Variants in NACAD observed in about 807,000 individuals in gnomAD.
NACAD encodes the protein NAC alpha domain containing.
A neutral mutation model predicts 98.9 loss-of-function variants in NACAD; 47 were observed. The observed-to-expected ratio is 0.48, with a 90% CI of 0.38 to 0.61. The LOEUF (loss-of-function observed/expected upper bound fraction) is 0.61, where lower values mean the gene tolerates loss of function less well. NACAD is among the 20% of genes least tolerant of loss of function. The probability of loss-of-function intolerance (pLI) is 0.00; values close to 1 mark genes in which losing one functional copy is unlikely to be tolerated. For synonymous variants in NACAD, 696 were observed against 767.2 expected, an observed-to-expected ratio of 0.91 and a Z score of 1.53; for missense variants, 1,412 against 1,748.2, an observed-to-expected ratio of 0.81 and a Z score of 3.43.
chr7:45,081,403 G>A (rs1414474369), intron 4 of NACAD, 140 bp from the exon 5 acceptor site: 2 of 1,317,920 alleles, frequency 1.5e-6, no homozygotes, highest in Non-Finnish European at 2.1e-6. Context: ...CCTTCCCCAT[G>A]AGCCTCAGTC....
rs1784484165 is a variant in NACAD, at chr7:45,084,701, G to A, written c.1479C>T (p.Gly493=). 6.4e-7 allele frequency: 1 copy of A among 1,550,920 alleles called. No individual in the cohort carries two copies. Among genetic ancestry groups the A allele is most frequent in the African/African-American group, 1.4e-5 (1 of 72,914 alleles). The part of the protein sequence containing the change: ...VTPHTLQVAP[G]LQVEVATRVT... ...CTCTGGTAGCCACCTCCACCTGGAG[G>A]CCTGGGGCTACCTGCAGAGTGTGAG... The change falls in exon 2 of 8, where the codon GGC becomes GGT. Residue 493 remains glycine (G), a synonymous_variant. Coordinates refer to ENST00000490531, the MANE Select transcript of NACAD (RefSeq NM_001146334.2).
chr7:45,082,024 G>GA lies in NACAD; in HGVS notation c.4072+83dup, dbSNP rs1584008954. ...CTGGGCCCCCCACCTCGCCACCTCAGAGGCCCTCCAGCTCAGGACAGCTCT... is the reference window on the plus strand; with the variant it reads ...CTGGGCCCCCCACCTCGCCACCTCAGAAGGCCCTCCAGCTCAGGACAGCTCT... On this transcript the variant is annotated intron_variant, in intron 2 of 7. Coordinates refer to ENST00000490531, the MANE Select transcript of NACAD (RefSeq NM_001146334.2). The surrounding 1 kb of genome is among the most constrained non-coding windows in gnomAD (Gnocchi z 4.5). The GA allele has an allele frequency of 1.7e-5, 25 of 1,466,932 alleles. No individual in the cohort carries two copies. The highest frequency in any genetic ancestry group is 1.9e-4 in the Middle Eastern group (1 of 5,330). The allele number at this position is 1,466,932 out of a possible 1,614,324, so 90.9% of individuals were successfully genotyped here.
Position 45,084,561 on chromosome 7 carries a change from G to T in NACAD, c.1619C>A (p.Ser540Tyr). Residue 540 changes from serine to tyrosine, a missense_variant, in exon 2 of 8, where the codon TCT becomes TAT. Coordinates refer to ENST00000490531, the MANE Select transcript of NACAD (RefSeq NM_001146334.2). ...AGTTGGAAGTTTTTCTGCAGTGACA[G>T]ACTCTTGGCCTAAGATCTCGCTGAT... The part of the protein sequence containing the change: ...EGISEILGQE[S>Y]VTAEKLPTPQ... 1 of 1,552,154 alleles carries T rather than the reference G, an allele frequency of 6.4e-7. No homozygotes were observed. The highest frequency in any genetic ancestry group is 1.2e-5 in the South Asian group (1 of 84,056).
chr7:45,085,928 C>T lies in NACAD; in HGVS notation c.252G>A (p.Ala84=), dbSNP rs1001952311. The part of the protein sequence containing the change: ...AGPGGAPSAW[A]DPGEGGPSPM... ...GGCTTGGGCCGCCCTCCCCTGGGTC[C>T]GCCCAGGCCGAGGGTGCCCCACCAG... The change falls in exon 2 of 8, where the codon GCG becomes GCA. Residue 84 remains alanine (A), a synonymous_variant. Coordinates refer to ENST00000490531, the MANE Select transcript of NACAD (RefSeq NM_001146334.2). This position sits in a 1 kb window ranked among gnomAD's most constrained non-coding sequence, Gnocchi z 6.1. 8.4e-6 allele frequency: 13 copies of T among 1,542,728 alleles called. No individual in the cohort carries two copies. Among genetic ancestry groups the T allele is most frequent in the African/African-American group, 4.1e-5 (3 of 72,894 alleles).
Position 45,083,062 on chromosome 7 carries a change from C to T in NACAD, c.3118G>A (p.Glu1040Lys). 6.4e-7 allele frequency: 1 copy of T among 1,550,880 alleles called. No homozygotes were observed. The highest frequency in any genetic ancestry group is 8.7e-7 in the Non-Finnish European group (1 of 1,146,998). Residue 1040 changes from glutamate (E) to lysine (K), a missense_variant, in exon 2 of 8, where the codon GAA becomes AAA. Coordinates refer to ENST00000490531, the MANE Select transcript of NACAD (RefSeq NM_001146334.2). Reference protein sequence around the residue: ...LPEPASGAGEEIAEALSRPGR... With the variant: ...LPEPASGAGEKIAEALSRPGR... ...GGCCTAGAAAGGGCTTCTGCTATTT[C>T]CTCCCCAGCACCAGAGGCCGGCTCA...
At position 45,084,423 on chromosome 7, in the gene NACAD, A is replaced by T; in HGVS notation, c.1757T>A (p.Val586Asp). The T allele has an allele frequency of 6.4e-7, 1 of 1,551,882 alleles. No individual in the cohort carries two copies. The highest frequency in any genetic ancestry group is 8.7e-7 in the Non-Finnish European group (1 of 1,146,962). Residue 586 changes from valine (V) to aspartate (D), a missense_variant, in exon 2 of 8, where the codon GTC becomes GAC. Physicochemically the swap from Val to Asp is radical, Grantham distance 152. This residue lies in a region of NACAD where 72 missense variants were observed against 198.0 expected (regional missense o/e 0.36). Coordinates refer to ENST00000490531, the MANE Select transcript of NACAD (RefSeq NM_001146334.2). The stretch of plus-strand genomic sequence containing the variant: ...GAGGTCCTCTTTAGCCTGCCTGGGG[A>T]CAATCGTGGCTGCAGCTACAGGCTT... Reference protein sequence around the residue: ...GRKPVAAATIVPRQAKEDLTL... With the variant: ...GRKPVAAATIDPRQAKEDLTL...
In NACAD at chr7:45,082,427, G is replaced by A; in HGVS notation, c.3753C>T (p.Cys1251=). Residue 1251 remains cysteine, a synonymous_variant, in exon 2 of 8, where the codon TGC becomes TGT. Coordinates refer to ENST00000490531, the MANE Select transcript of NACAD (RefSeq NM_001146334.2). The surrounding 1 kb of genome is among the most constrained non-coding windows in gnomAD (Gnocchi z 4.5). ...PPLEPPAPCL[C]QDPQEDSVED... ...CCACAGAGTCTTCCTGGGGGTCCTG[G>A]CACAGGCAGGGGGCTGGGGGCTCCA... 6.5e-7 allele frequency: 1 copy of A among 1,548,856 alleles called. No individual in the cohort carries two copies. The highest frequency in any genetic ancestry group is 8.7e-7 in the Non-Finnish European group (1 of 1,146,472).
chr7:45,081,772 C>G lies in NACAD; in HGVS notation c.4168G>C (p.Val1390Leu). ...DEQDILAPQTVQCPAQAPAGG... is the reference protein window; with the variant it reads ...DEQDILAPQTLQCPAQAPAGG... Reference sequence around the variant, plus strand: ...CTGGGCACCTGGGCTGGACACTGCACGGTCTGAGGAGCCAAGATGTCCTGC... The same window carrying G: ...CTGGGCACCTGGGCTGGACACTGCAGGGTCTGAGGAGCCAAGATGTCCTGC... Residue 1390 changes from valine to leucine, a missense_variant, in exon 3 of 8, where the codon GTG becomes CTG. By Grantham distance (32) the Val-to-Leu change is conservative. Transcript: ENST00000490531. The G allele has an allele frequency of 6.4e-7, 1 of 1,551,072 alleles. No individual in the cohort carries two copies. Among genetic ancestry groups the G allele is most frequent in the African/African-American group, 1.4e-5 (1 of 73,170 alleles).
At position 45,082,736 on chromosome 7, in the gene NACAD, A is replaced by C. The variant is rs778955900; in HGVS notation, c.3444T>G (p.Ser1148Arg). The C allele has an allele frequency of 4.5e-6, 7 of 1,542,990 alleles. No individual in the cohort carries two copies. The highest frequency in any genetic ancestry group is 1.2e-5 in the South Asian group (1 of 82,678). ...TLPSAVATEA[S>R]LDSCPESSVG... ...CTGAAGACTCTGGGCAGGAGTCCAG[A>C]CTGGCCTCTGTGGCCACAGCTGAGG... The change falls in exon 2 of 8, where the codon AGT (serine) becomes AGG (arginine). Residue 1148 changes from serine to arginine, a missense_variant. Coordinates refer to ENST00000490531, the MANE Select transcript of NACAD (RefSeq NM_001146334.2). The surrounding 1 kb of genome is among the most constrained non-coding windows in gnomAD (Gnocchi z 4.5).
At position 45,085,130 on chromosome 7, in the gene NACAD, C is replaced by A. The variant is rs1375691272; in HGVS notation, c.1050G>T (p.Gly350=). The stretch of plus-strand genomic sequence containing the variant: ...CAGACGTGCTGTCCTCCTCACCCTC[C>A]CCAGCCAGGTCCCCACCTGGGTCGG... ...ADPDPGGDLA[G]EGEEDSTSAS... Residue 350 remains glycine (G), a synonymous_variant, in exon 2 of 8, where the codon GGG becomes GGT. Coordinates refer to ENST00000490531, the MANE Select transcript of NACAD (RefSeq NM_001146334.2). This position sits in a 1 kb window ranked among gnomAD's most constrained non-coding sequence, Gnocchi z 6.1. 2 of 1,551,030 alleles carry A rather than the reference C, an allele frequency of 1.3e-6. No individual in the cohort carries two copies. The highest frequency in any genetic ancestry group is 8.7e-7 in the Non-Finnish European group (1 of 1,146,770).
Position 45,083,429 on chromosome 7 carries a change from G to C in NACAD, c.2751C>G (p.Pro917=). 6.5e-7 allele frequency: 1 copy of C among 1,548,634 alleles called. No individual in the cohort carries two copies. Among genetic ancestry groups the C allele is most frequent in the Non-Finnish European group, 8.7e-7 (1 of 1,146,360 alleles). Residue 917 remains proline, a synonymous_variant, in exon 2 of 8, where the codon CCC becomes CCG. Transcript: ENST00000490531. ...GAGGTGCTGTCATAGCGGAGTCCTGGGGTAAGGTGAGGCCCTCTTCAGCCT... is the reference window on the plus strand; with the variant it reads ...GAGGTGCTGTCATAGCGGAGTCCTGCGGTAAGGTGAGGCCCTCTTCAGCCT... The part of the protein sequence containing the change: ...SQQAEEGLTL[P]QDSAMTAPLP...
At chr7:45,081,923 G>A in intron 2 of NACAD, 56 bp from the exon 3 acceptor site, 4 of 1,507,466 alleles carry the variant, frequency 2.7e-6, no homozygotes, top group Non-Finnish European at 2.7e-6. Flanking sequence ...GCGGGGAAGG[G>A]GGTTCAGGAC....
At chr7:45,081,059 TC>T (rs754200043) in intron 5 of NACAD, 37 bp from the exon 6 acceptor site, 1 of 1,550,374 alleles carries the variant, frequency 6.5e-7, no homozygotes, top group Non-Finnish European at 8.7e-7. Flanking sequence ...GTAGAGCCTG[TC>T]CCCCCCTTGT....
rs762502889 is a variant in NACAD, at chr7:45,082,835, G to T, written c.3345C>A (p.Ser1115Arg). Residue 1115 changes from serine (S) to arginine (R), a missense_variant, in exon 2 of 8, where the codon AGC becomes AGA. By Grantham distance (110) the Ser-to-Arg change is moderately radical (BLOSUM62 -1). Around this residue, in one of 5 missense-constraint regions of NACAD, gnomAD observed 572 missense variants for 639.6 expected, o/e 0.89. Coordinates refer to ENST00000490531, the MANE Select transcript of NACAD (RefSeq NM_001146334.2). This position sits in a 1 kb window ranked among gnomAD's most constrained non-coding sequence, Gnocchi z 4.5. ...DAPPAACPEV[S>R]QARLLSPARE... The stretch of plus-strand genomic sequence containing the variant: ...TGGCTGGGCTCAGGAGCCGGGCCTG[G>T]CTGACCTCAGGGCAGGCAGCAGGAG... 1 of 1,549,792 alleles carries T rather than the reference G, an allele frequency of 6.5e-7. No homozygotes were observed. The highest frequency in any genetic ancestry group is 1.2e-5 in the South Asian group (1 of 84,016).
In NACAD at chr7:45,084,361, G is replaced by A. The variant is rs1308908887; in HGVS notation, c.1819C>T (p.Pro607Ser). The A allele has an allele frequency of 1.4e-6, 2 of 1,427,770 alleles. No individual in the cohort carries two copies. The highest frequency in any genetic ancestry group is 2.5e-5 in the South Asian group (2 of 80,644). The allele number at this position is 1,427,770 out of a possible 1,614,324, so 88.4% of individuals were successfully genotyped here. ...PQDSAMTPPL[P>S]LQDTDLSSAP... is the part of the protein sequence containing the mutation. ...GATGAGAGATCTGTGTCTTGTAGGG[G>A]CAGAGGCGGTGTCATAGCGGAGTCC... Residue 607 changes from proline (P) to serine (S), a missense_variant, in exon 2 of 8, where the codon CCC becomes TCC. This residue lies in a region of NACAD where 72 missense variants were observed against 198.0 expected (regional missense o/e 0.36). Coordinates refer to ENST00000490531, the MANE Select transcript of NACAD (RefSeq NM_001146334.2).
At position 45,088,192 on chromosome 7, in the gene NACAD, C is replaced by T. The variant is rs1784550206; in HGVS notation, c.67+636G>A. 6.6e-6 allele frequency among the ~76,000 whole-genome samples: 1 copy of T among 152,246 alleles called. No individual in the cohort carries two copies. Among genetic ancestry groups the T allele is most frequent in the Non-Finnish European group, 1.5e-5 (1 of 68,032 alleles). ...AGGCCCCGTAGACCCCATCAGCCTC[C>T]ACCAGCATTTGTTGACCCAGCCTAA... is the stretch of plus-strand genomic sequence containing the variant. On this transcript the variant is annotated intron_variant, in intron 1 of 7. Coordinates refer to ENST00000490531, the MANE Select transcript of NACAD (RefSeq NM_001146334.2). This position sits in a 1 kb window ranked among gnomAD's most constrained non-coding sequence, Gnocchi z 5.7.
Position 45,082,004 on chromosome 7 carries a change from C to T in NACAD, c.4072+104G>A. ...CTCCATGGTGGCTGTGGGGTCTGGGCCCCCCACCTCGCCACCTCAGAGGCC... is the reference window on the plus strand; with the variant it reads ...CTCCATGGTGGCTGTGGGGTCTGGGTCCCCCACCTCGCCACCTCAGAGGCC... On this transcript the variant is annotated intron_variant, in intron 2 of 7. Transcript: ENST00000490531. The surrounding 1 kb of genome is among the most constrained non-coding windows in gnomAD (Gnocchi z 4.5). 6.9e-7 allele frequency: 1 copy of T among 1,448,412 alleles called. No homozygotes were observed. Among genetic ancestry groups the T allele is most frequent in the Admixed American group, 2.5e-5 (1 of 40,318 alleles). The allele number at this position is 1,448,412 out of a possible 1,614,324, so 89.7% of individuals were successfully genotyped here.
rs929057732 is a variant in NACAD at position 45,083,033 on chromosome 7, T to C, written c.3147A>G (p.Gly1049=). ...EEIAEALSRP[G]REACLEARAH... ...CTCGCGCTTCCAGACATGCTTCCCGTCCAGGCCTAGAAAGGGCTTCTGCTA... is the reference window on the plus strand; with the variant it reads ...CTCGCGCTTCCAGACATGCTTCCCGCCCAGGCCTAGAAAGGGCTTCTGCTA... The change falls in exon 2 of 8, where the codon GGA becomes GGG. Residue 1049 remains glycine, a synonymous_variant. Coordinates refer to ENST00000490531, the MANE Select transcript of NACAD (RefSeq NM_001146334.2). 85 of 1,550,810 alleles carry C rather than the reference T, an allele frequency of 5.5e-5. No individual in the cohort carries two copies. Among genetic ancestry groups the C allele is most frequent in the Non-Finnish European group, 7.2e-5 (83 of 1,147,008 alleles).
In NACAD at chr7:45,085,777, C is replaced by A; in HGVS notation, c.403G>T (p.Ala135Ser). The stretch of plus-strand genomic sequence containing the variant: ...TCCTGGTCCCTGAGCGCTGTCCGGG[C>A]AGCTCTGGGTGACAGGAGGGCCTGG... ...TCQALLSPRAARTALRDQEGG... is the reference protein window; with the variant it reads ...TCQALLSPRASRTALRDQEGG... The change falls in exon 2 of 8, where the codon GCC (alanine) becomes TCC (serine). Residue 135 changes from alanine to serine, a missense_variant. Ala to Ser is a moderately conservative substitution (Grantham distance 99, BLOSUM62 1). Around this residue, in one of 5 missense-constraint regions of NACAD, gnomAD observed 638 missense variants for 722.7 expected, o/e 0.88. Coordinates refer to ENST00000490531, the MANE Select transcript of NACAD (RefSeq NM_001146334.2). The surrounding 1 kb of genome is among the most constrained non-coding windows in gnomAD (Gnocchi z 6.1). 12 of 1,546,504 alleles carry A rather than the reference C, an allele frequency of 7.8e-6. No individual in the cohort carries two copies. Among genetic ancestry groups the A allele is most frequent in the Non-Finnish European group, 9.6e-6 (11 of 1,145,066 alleles).
Sources: gnomAD v4.1 joint callset for allele counts (sites outside exome capture counted in the v4.1 genomes callset) on GRCh38, gnomAD v4.1.1 for gene constraint, gnomAD v4.1.1 regional missense constraint, Gnocchi (gnomAD v3.1) non-coding constraint, MANE v1.5 for transcripts, NCBI Gene and HGNC (gene_info 2026-07-23, HGNC 2026-07-21) for gene names.